The following TLL2 variants were observed in gnomAD, a reference collection of about 807,000 sequenced individuals.
TLL2 encodes tolloid like 2, also known as tolloid-like protein 2.
A neutral mutation model predicts 123.0 loss-of-function variants in TLL2; 106 were observed. That is an observed-to-expected ratio of 0.86 (90% CI 0.74 to 1.01). The LOEUF is 1.01. Among genes scored for constraint, TLL2 ranks in the 50% least tolerant of loss-of-function variants. TLL2 has a pLI of 0.00. For missense variants in TLL2, 1,332 were observed against 1,336.7 expected (o/e 1.00, Z 0.06); for synonymous variants, 494 against 516.8 (o/e 0.96, Z 0.60).
chr10:96,392,202 A>G (rs923167994), intron 13 of TLL2, among the ~76,000 whole-genome samples: 12 of 152,192 alleles, frequency 7.9e-5, no homozygotes, highest in Non-Finnish European at 2.9e-5. Context: ...GCCAGCTATC[A>G]TGGTTACTTG....
chr10:96,477,253 G>C (rs1320488186), intron 2 of TLL2, among the ~76,000 whole-genome samples: 1 of 151,608 alleles, frequency 6.6e-6, no homozygotes, highest in Non-Finnish European at 1.5e-5. Context: ...GAAACACCAA[G>C]TATGATATAT....
At chr10:96,400,357 CA>C (rs55975748) in intron 10 of TLL2, among the ~76,000 whole-genome samples, 26,426 of 108,460 alleles carry the variant, frequency 0.24, 1,710 homozygotes, top group Non-Finnish European at 0.29. Flanking sequence ...CTACTACCAT[CA>C]AAAAAAAAAA....
chr10:96,419,047 A>G (rs1846594113), intron 7 of TLL2, among the ~76,000 whole-genome samples: 1 of 151,928 alleles, frequency 6.6e-6, no homozygotes, highest in African/African-American at 2.4e-5. Context: ...TCCCTGCACC[A>G]TTTCCCAAAC....
chr10:96,411,217 C>A (rs1589415691), intron 8 of TLL2, among the ~76,000 whole-genome samples: 2 of 132,364 alleles, frequency 1.5e-5, no homozygotes, highest in East Asian at 2.2e-4. Context: ...CACTACTGCA[C>A]TCCAGTCTCC....
intron 1 of TLL2, among the ~76,000 whole-genome samples, chr10:96,508,941 C>T (rs961690229): frequency 2.3e-4 from 35 of 151,918 alleles, no homozygotes; most frequent in South Asian, 2.1e-4. Context: ...GGCTTGTGGC[C>T]GTGATGGAAG....
chr10:96,485,352 G>A (rs908580401), intron 1 of TLL2, among the ~76,000 whole-genome samples: 9 of 152,140 alleles, frequency 5.9e-5, no homozygotes, highest in African/African-American at 2.2e-4. Flanking sequence ...TCAAGAAAGT[G>A]AAAAGACAAA....
chr10:96,483,693 A>T (rs1443357758), intron 1 of TLL2, among the ~76,000 whole-genome samples: 1 of 152,202 alleles, frequency 6.6e-6, no homozygotes, highest in Non-Finnish European at 1.5e-5. Context: ...TATGTTGTAT[A>T]TACGGGAGGA....
chr10:96,452,179 T>G (rs1279638200), intron 2 of TLL2, among the ~76,000 whole-genome samples: 2 of 152,192 alleles, frequency 1.3e-5, no homozygotes, highest in East Asian at 3.9e-4. Flanking sequence ...TTTCGTGGGA[T>G]TAAGCACTTT....
intron 2 of TLL2, 27 bp from the exon 3 acceptor site, chr10:96,446,195 T>C (rs765854521): frequency 3.7e-6 from 6 of 1,610,176 alleles, no homozygotes; most frequent in Admixed American, 1.7e-5. Flanking sequence ...GAAAGAGGCA[T>C]GAGGACACAT....
chr10:96,476,240 A>ATATATTCTTTTTT, intron 2 of TLL2, among the ~76,000 whole-genome samples: 1 of 20,502 alleles, frequency 4.9e-5, no homozygotes, highest in African/African-American at 1.7e-4. Flanking sequence ...ATATATATAT[A>ATATATTCTTTTTT]TTTTATTTTT....
chr10:96,430,179 G>A (rs1484039831), intron 4 of TLL2, among the ~76,000 whole-genome samples: 1 of 152,190 alleles, frequency 6.6e-6, no homozygotes. Flanking sequence ...TTTGGGTCAT[G>A]GGGATGGGTC....
At chr10:96,482,054 G>C (rs975976921) in intron 1 of TLL2, among the ~76,000 whole-genome samples, 1 of 152,060 alleles carries the variant, frequency 6.6e-6, no homozygotes, top group Non-Finnish European at 1.5e-5. Flanking sequence ...TCAGGAGATC[G>C]AGACCATCCT....
In TLL2 at chr10:96,395,200, G is replaced by T. The variant is rs1846326188; in HGVS notation, c.1713C>A (p.Ala571=). The T allele has an allele frequency of 6.2e-7, 1 of 1,601,810 alleles. No homozygotes were observed. Residue 571 remains alanine, a synonymous_variant, in exon 13 of 21, where the codon GCC becomes GCA. Transcript: ENST00000357947. ...DGSINKAGFA[A]NFFKEVDECS... is the part of the protein sequence containing the mutation. ...GCTAATTCATACCCTTGAAAAAATTGGCTGCAAAGCCCGCTTTATTGATAG... is the reference window on the plus strand; with the variant it reads ...GCTAATTCATACCCTTGAAAAAATTTGCTGCAAAGCCCGCTTTATTGATAG...
At chr10:96,400,316 A>G (rs73324568) in intron 10 of TLL2, among the ~76,000 whole-genome samples, 1,985 of 144,016 alleles carry the variant, frequency 0.014, 44 homozygotes, top group African/African-American at 0.044. Flanking sequence ...TGAGACCTTC[A>G]TCATCAGTAT....
intron 2 of TLL2, among the ~76,000 whole-genome samples, chr10:96,479,667 C>T (rs985331816): frequency 1.3e-5 from 2 of 152,236 alleles, no homozygotes; most frequent in Non-Finnish European, 2.9e-5. Flanking sequence ...TCACCAGAAC[C>T]CCTACAGCCC....
At chr10:96,373,535 C>T in intron 19 of TLL2, 61 bp downstream of exon 19, 1 of 1,525,128 alleles carries the variant, frequency 6.6e-7, no homozygotes, top group South Asian at 1.1e-5. Flanking sequence ...GTGCCTTCAC[C>T]ATTTCTCTGT....
chr10:96,476,637 G>GA (rs34174319), intron 2 of TLL2, among the ~76,000 whole-genome samples: 52,423 of 149,336 alleles, frequency 0.35, 9,398 homozygotes, highest in Middle Eastern at 0.48. Flanking sequence ...CTTCTAAGAG[G>GA]AAAAAAAAAT....
Position 96,495,839 on chromosome 10 carries a change from T to G in TLL2, c.176-15380A>C, listed in dbSNP as rs145264624. 2.6e-3 allele frequency among the ~76,000 whole-genome samples: 391 copies of G among 152,242 alleles called. 2 individuals carry two copies. Among genetic ancestry groups the G allele is most frequent in the African/African-American group, 9.1e-3 (376 of 41,534 alleles). ...GCTGCTCCTGCCTGGGGAGATGGCCTTCTCCAGGAATAGATGGCTCAGTTG... is the reference window on the plus strand; with the variant it reads ...GCTGCTCCTGCCTGGGGAGATGGCCGTCTCCAGGAATAGATGGCTCAGTTG... On this transcript the variant is annotated intron_variant, in intron 1 of 20. Transcript: ENST00000357947.
chr10:96,446,332 A>G (rs1564908957), intron 2 of TLL2, among the ~76,000 whole-genome samples, 164 bp from the exon 3 acceptor site: 1 of 152,172 alleles, frequency 6.6e-6, no homozygotes, highest in South Asian at 2.1e-4. Flanking sequence ...ATGGCCCCAC[A>G]CTATTCTAGA....
Sources: gnomAD v4.1 joint callset for allele counts (sites outside exome capture counted in the v4.1 genomes callset) on GRCh38, gnomAD v4.1.1 for gene constraint, MANE v1.5 for transcripts, NCBI Gene and HGNC (gene_info 2026-07-23, HGNC 2026-07-21) for gene names.